Variants in GPHN observed in about 807,000 individuals in gnomAD.
GPHN encodes the protein gephyrin.
GPHN carries 17 observed loss-of-function variants against 95.5 expected under a neutral mutation model. The ratio of observed to expected loss-of-function variants is 0.18; its 90% confidence interval spans 0.12 to 0.27. The LOEUF (loss-of-function observed/expected upper bound fraction) is 0.27. GPHN is among the 10% of genes least tolerant of loss of function. The probability of loss-of-function intolerance (pLI) is 1.00; values close to 1 mark genes in which losing one functional copy is unlikely to be tolerated. For missense variants in GPHN, 660 were observed against 978.1 expected (o/e 0.67, Z 4.34); for synonymous variants, 320 against 322.5 (o/e 0.99, Z 0.08).
chr14:67,484,765 G>GA, the GPHN span, among the ~76,000 whole-genome samples: 3 of 149,540 alleles, frequency 2.0e-5, no homozygotes, highest in Non-Finnish European at 4.5e-5. Flanking sequence ...TTCTAATAAA[G>GA]AAAAAAAAAG....
chr14:67,055,183 A>G (rs1425228294), intron 10 of GPHN, among the ~76,000 whole-genome samples: 1 of 152,220 alleles, frequency 6.6e-6, no homozygotes, highest in Admixed American at 6.5e-5. Flanking sequence ...AATTATTGCA[A>G]TCTATCCCTC....
intron 2 of GPHN, among the ~76,000 whole-genome samples, chr14:66,749,803 G>T (rs975024476): frequency 6.7e-6 from 1 of 149,596 alleles, no homozygotes. Context: ...TTGTCTTTTC[G>T]TTCCCTTCAC....
intron 4 of GPHN, among the ~76,000 whole-genome samples, chr14:66,849,544 A>G (rs1479090148): frequency 2.0e-5 from 3 of 152,020 alleles, no homozygotes; most frequent in East Asian, 1.9e-4. Context: ...AATCTTACCA[A>G]TCTGGTAGGT....
the GPHN span, among the ~76,000 whole-genome samples, chr14:67,512,706 C>T: frequency 6.6e-6 from 1 of 152,078 alleles, no homozygotes; most frequent in Admixed American, 6.5e-5. Context: ...CATCAGAGTC[C>T]CCAACATCAT....
At chr14:66,561,292 A>C (rs1234329203) in intron 1 of GPHN, among the ~76,000 whole-genome samples, 4 of 151,978 alleles carry the variant, frequency 2.6e-5, no homozygotes, top group African/African-American at 4.8e-5. Flanking sequence ...TTTTCTATTG[A>C]TTGGAATAGT....
chr14:66,635,917 T>C (rs2064072139), intron 1 of GPHN, among the ~76,000 whole-genome samples: 1 of 151,872 alleles, frequency 6.6e-6, no homozygotes, highest in Non-Finnish European at 1.5e-5. Context: ...GGCAGGCAGA[T>C]CATAAGGTCA....
the GPHN span, among the ~76,000 whole-genome samples, chr14:67,553,008 C>T: frequency 2.6e-5 from 4 of 152,170 alleles, no homozygotes; most frequent in Non-Finnish European, 5.9e-5. Context: ...TGGTTCTGAC[C>T]AATGTCATTG....
chr14:67,727,144 G>A, the GPHN span: 2 of 1,614,110 alleles, frequency 1.2e-6, no homozygotes, highest in Non-Finnish European at 1.7e-6. Context: ...GCCACAGCAA[G>A]CTGGCCAATG....
chr14:67,642,043 C>T, the GPHN span: 3 of 825,654 alleles, frequency 3.6e-6, no homozygotes, highest in Non-Finnish European at 5.7e-6. Flanking sequence ...ATAATCTTCC[C>T]ACAATCATTT....
At chr14:67,521,613 C>T in the GPHN span, among the ~76,000 whole-genome samples, 990 of 152,246 alleles carry the variant, frequency 6.5e-3, 13 homozygotes, top group African/African-American at 0.023. Context: ...TATTCATGAA[C>T]ACCTTGAGCC....
At chr14:67,342,245 A>T in the GPHN span, among the ~76,000 whole-genome samples, 5 of 151,368 alleles carry the variant, frequency 3.3e-5, 1 homozygote, top group African/African-American at 1.2e-4. Flanking sequence ...CAAAGAAAAA[A>T]AGTAAAATAG....
At chr14:67,253,587 G>GT in the GPHN span, among the ~76,000 whole-genome samples, 3 of 152,202 alleles carry the variant, frequency 2.0e-5, no homozygotes, top group African/African-American at 7.2e-5. Context: ...GCTTATGCCT[G>GT]TAATCCCAGC....
At chr14:66,532,591 A>G (rs2058987473) in intron 1 of GPHN, among the ~76,000 whole-genome samples, 1 of 152,228 alleles carries the variant, frequency 6.6e-6, no homozygotes. Flanking sequence ...TCCTCAGTAT[A>G]TCATGAGATT....
At chr14:67,167,591 T>C (rs765224446) in intron 20 of GPHN, among the ~76,000 whole-genome samples, 35 of 152,184 alleles carry the variant, frequency 2.3e-4, no homozygotes, top group Non-Finnish European at 2.6e-4. Context: ...TAGCTAATAA[T>C]AGGCTAAACT....
intron 2 of GPHN, among the ~76,000 whole-genome samples, chr14:66,739,678 A>G (rs1196251322): frequency 2.0e-5 from 3 of 152,258 alleles, no homozygotes; most frequent in Non-Finnish European, 2.9e-5. Flanking sequence ...CTAAAATTCA[A>G]AGAAATACCA....
chr14:66,634,066 T>C (rs1041590711), intron 1 of GPHN, among the ~76,000 whole-genome samples: 1 of 152,076 alleles, frequency 6.6e-6, no homozygotes, highest in Non-Finnish European at 1.5e-5. Context: ...AGAGTTTCCT[T>C]AGGATCATTA....
At chr14:66,706,571 C>A (rs752886958) in intron 2 of GPHN, among the ~76,000 whole-genome samples, 2 of 152,110 alleles carry the variant, frequency 1.3e-5, no homozygotes, top group African/African-American at 4.8e-5. Context: ...GAAAGGACTC[C>A]CTATTTAATA....
At chr14:67,179,778 A>G in intron 22 of GPHN, 104 bp downstream of exon 22, 3 of 732,632 alleles carry the variant, frequency 4.1e-6, no homozygotes, top group African/African-American at 1.8e-5. Flanking sequence ...ATTATTATAC[A>G]TTTTTCTTTT....
chr14:66,530,498 A>G (rs1349945655), intron 1 of GPHN, among the ~76,000 whole-genome samples: 1 of 152,018 alleles, frequency 6.6e-6, no homozygotes, highest in African/African-American at 2.4e-5. Flanking sequence ...GGGGTATGAA[A>G]AAAAAACAAA....
Sources: allele counts gnomAD v4.1 joint callset (sites outside exome capture counted in the v4.1 genomes callset), GRCh38; gene constraint gnomAD v4.1.1; transcripts MANE v1.5; gene names NCBI Gene and HGNC (gene_info 2026-07-23, HGNC 2026-07-21).